The following RASGRF2 variants were observed in gnomAD, a reference collection of about 807,000 sequenced individuals.
RASGRF2 encodes the protein Ras protein specific guanine nucleotide releasing factor 2.
RASGRF2 carries 76 observed loss-of-function variants against 151.0 expected under a neutral mutation model. The observed-to-expected ratio is 0.50, with a 90% CI of 0.42 to 0.61. The LOEUF is 0.61. RASGRF2 is among the 20% of genes least tolerant of loss of function. The pLI is 0.00. For synonymous variants in RASGRF2, 504 were observed against 566.5 expected (o/e 0.89, Z 1.57); for missense variants, 1,148 against 1,564.6 (o/e 0.73, Z 4.49).
At chr5:80,974,618 G>C (rs1356887517) in intron 1 of RASGRF2, among the ~76,000 whole-genome samples, 1 of 152,180 alleles carries the variant, frequency 6.6e-6, no homozygotes, top group African/African-American at 2.4e-5. Context: ...CGCCAGACCA[G>C]CTCTATTCTT....
intron 1 of RASGRF2, among the ~76,000 whole-genome samples, chr5:81,008,181 C>T (rs566950257): frequency 4.4e-5 from 5 of 114,752 alleles, no homozygotes; most frequent in South Asian, 3.0e-4. Context: ...GACAGAGTCT[C>T]GCTTCTTCGC....
At chr5:81,073,522 A>G (rs1751844269) in intron 5 of RASGRF2, 70 bp downstream of exon 5, 1 of 1,480,966 alleles carries the variant, frequency 6.8e-7, no homozygotes, top group African/African-American at 1.4e-5. Context: ...ATTTTTACTT[A>G]ATCTTTAAAA....
chr5:80,961,276 AC>A (rs1050263247), intron 1 of RASGRF2, among the ~76,000 whole-genome samples: 13 of 152,220 alleles, frequency 8.5e-5, no homozygotes, highest in African/African-American at 3.1e-4. Flanking sequence ...TGCTTTCATT[AC>A]CCTGGTAGAG....
chr5:81,183,434 C>A, intron 18 of RASGRF2: 1 of 399,766 alleles, frequency 2.5e-6, no homozygotes, highest in Non-Finnish European at 3.4e-6. Flanking sequence ...CAGGATGTCA[C>A]CTCCTAACTC....
chr5:80,964,878 C>G (rs980808889), intron 1 of RASGRF2, among the ~76,000 whole-genome samples: 4 of 151,960 alleles, frequency 2.6e-5, no homozygotes, highest in Non-Finnish European at 4.4e-5. Context: ...AGTACACATC[C>G]CAGTTAGTCT....
chr5:81,032,102 G>A (rs984942092), intron 1 of RASGRF2, among the ~76,000 whole-genome samples: 2 of 152,138 alleles, frequency 1.3e-5, no homozygotes, highest in Non-Finnish European at 2.9e-5. Context: ...TAAACCAGGA[G>A]AAGTGGAATC....
intron 1 of RASGRF2, among the ~76,000 whole-genome samples, chr5:80,976,429 G>A (rs981506271): frequency 6.6e-6 from 1 of 152,226 alleles, no homozygotes; most frequent in African/African-American, 2.4e-5. Context: ...ACAGCATTTG[G>A]TGAGCATGGC....
chr5:80,996,505 C>CTTCCTCCTCCTCTTCTTCTTCT (rs56082157), intron 1 of RASGRF2, among the ~76,000 whole-genome samples: 3 of 47,764 alleles, frequency 6.3e-5, no homozygotes, highest in Admixed American at 2.7e-4. Flanking sequence ...CTTCTTCTTC[C>CTTCCTCCTCCTCTTCTTCTTCT]TCCTCCTCCT....
chr5:81,134,932 G>A (rs1411263630), intron 17 of RASGRF2, among the ~76,000 whole-genome samples: 3 of 151,760 alleles, frequency 2.0e-5, no homozygotes, highest in Non-Finnish European at 2.9e-5. Flanking sequence ...AAAAACTGTT[G>A]TAGTAATTAT....
rs1017229684 is a variant in RASGRF2 at position 81,126,909 on chromosome 5, A to G, written c.2597-165A>G. Among the ~76,000 whole-genome samples, 6 of 152,230 alleles carry G rather than the reference A, an allele frequency of 3.9e-5. No homozygotes were observed. In the South Asian group the frequency reaches 1.2e-3, roughly 32 times the overall value. On this transcript the variant is annotated intron_variant, in intron 16 of 26. Coordinates refer to ENST00000265080, the MANE Select transcript of RASGRF2 (RefSeq NM_006909.3). ...TCTTTTCTCTTGGTTATAGACCCAG[A>G]GTGGAATTCCTGATGTGCAATCTTG...
chr5:81,142,861 G>A (rs1753917431), intron 17 of RASGRF2, among the ~76,000 whole-genome samples: 2 of 152,142 alleles, frequency 1.3e-5, no homozygotes, highest in South Asian at 4.2e-4. Context: ...GACACAGGCT[G>A]TACACCAAGA....
chr5:80,961,494 G>A (rs1388265360), intron 1 of RASGRF2, among the ~76,000 whole-genome samples: 1 of 152,198 alleles, frequency 6.6e-6, no homozygotes, highest in African/African-American at 2.4e-5. Flanking sequence ...TGGTTGGGCT[G>A]GGAACAAGCG....
intron 1 of RASGRF2, among the ~76,000 whole-genome samples, chr5:80,969,999 A>G (rs898929390): frequency 6.6e-6 from 1 of 150,770 alleles, no homozygotes; most frequent in African/African-American, 2.4e-5. Flanking sequence ...CTAATTTTGT[A>G]TTTTTAGTAG....
At chr5:81,140,431 C>T (rs1580353274) in intron 17 of RASGRF2, among the ~76,000 whole-genome samples, 1 of 151,924 alleles carries the variant, frequency 6.6e-6, no homozygotes, top group African/African-American at 2.4e-5. Context: ...CACACACACA[C>T]ACACAGACAC....
chr5:81,095,160 G>T lies in RASGRF2; in HGVS notation c.1755+168G>T, dbSNP rs1335959674. On this transcript the variant is annotated intron_variant, in intron 12 of 26. Transcript: ENST00000265080. ...ATAAGCTGTGATCATTATCATTTTT[G>T]TTGTTGTTGTTTCTCTTCTTAAGGT... Among the ~76,000 whole-genome samples the T allele has an allele frequency of 5.3e-5, 8 of 152,102 alleles. No homozygotes were observed. In the South Asian group the frequency reaches 6.2e-4, roughly 12 times the overall value.
intron 1 of RASGRF2, among the ~76,000 whole-genome samples, chr5:80,999,489 C>T (rs748596122): frequency 2.0e-4 from 31 of 152,172 alleles, no homozygotes; most frequent in African/African-American, 7.2e-4. Flanking sequence ...ACTACAGGTG[C>T]GTGCCACCAT....
chr5:81,148,509 G>C (rs1754056182), intron 17 of RASGRF2, among the ~76,000 whole-genome samples: 1 of 152,060 alleles, frequency 6.6e-6, no homozygotes, highest in African/African-American at 2.4e-5. Context: ...ACATATTTAG[G>C]GATCTGAACC....
Position 81,150,259 on chromosome 5 carries a change from C to T in RASGRF2, c.2686+23096C>T, listed in dbSNP as rs988842398. 5.9e-5 allele frequency among the ~76,000 whole-genome samples: 9 copies of T among 152,190 alleles called. No homozygotes were observed. The East Asian group carries it at 7.7e-4, about 13-fold the overall frequency. On this transcript the variant is annotated intron_variant, in intron 17 of 26. Coordinates refer to ENST00000265080, the MANE Select transcript of RASGRF2 (RefSeq NM_006909.3). The stretch of plus-strand genomic sequence containing the variant: ...AAATAAACCTGCACCTGAGTTCTGC[C>T]GTTTATTTAGCTGTGTGACCTGGGG...
chr5:81,166,372 G>A (rs1754507705), intron 17 of RASGRF2, among the ~76,000 whole-genome samples: 1 of 152,016 alleles, frequency 6.6e-6, no homozygotes, highest in Non-Finnish European at 1.5e-5. Flanking sequence ...ATTTTTAGTA[G>A]AGACAGGGTT....
Sources: allele counts gnomAD v4.1 joint callset (sites outside exome capture counted in the v4.1 genomes callset), GRCh38; gene constraint gnomAD v4.1.1; transcripts MANE v1.5; gene names NCBI Gene and HGNC (gene_info 2026-07-23, HGNC 2026-07-21).